The following INPP5D variants were observed in gnomAD, a reference collection of about 807,000 sequenced individuals.
INPP5D encodes the protein inositol polyphosphate-5-phosphatase D.
A neutral mutation model predicts 122.9 loss-of-function variants in INPP5D; 33 were observed. That is an observed-to-expected ratio of 0.27 (90% CI 0.20 to 0.36). INPP5D has a LOEUF of 0.36. Ranked by LOEUF, INPP5D falls within the 10% of genes least tolerant of loss-of-function variation. The pLI is 1.00. For synonymous variants in INPP5D, 584 were observed against 576.2 expected, an observed-to-expected ratio of 1.01 and a Z score of -0.19; for missense variants, 1,053 against 1,412.7, an observed-to-expected ratio of 0.75 and a Z score of 4.08.
intron 5 of INPP5D, among the ~76,000 whole-genome samples, chr2:233,138,089 C>G (rs926415120): frequency 6.7e-6 from 1 of 149,032 alleles, no homozygotes; most frequent in Non-Finnish European, 1.5e-5. Flanking sequence ...TGGTGGCTCA[C>G]GCCTCTAATC....
At chr2:233,098,665 G>T (rs1211725411) in intron 2 of INPP5D, among the ~76,000 whole-genome samples, 1 of 152,044 alleles carries the variant, frequency 6.6e-6, no homozygotes, top group Non-Finnish European at 1.5e-5. Context: ...CAGCCATTCC[G>T]CACGCCCCTC....
chr2:233,186,688 T>TA, intron 21 of INPP5D, among the ~76,000 whole-genome samples: 1 of 11,342 alleles, frequency 8.8e-5, no homozygotes, highest in Non-Finnish European at 1.7e-4. Context: ...CTCTTTCTTT[T>TA]TTTTTTTTTT....
rs1041744645 is a variant in INPP5D at position 233,102,869 on chromosome 2, C to CAAAAAAAA, written c.199-19232_199-19231insAAAAAAAA. On this transcript the variant is annotated intron_variant, in intron 2 of 26. Coordinates refer to ENST00000445964, the MANE Select transcript of INPP5D (RefSeq NM_001017915.3). ...CGTCTCAAAAAAAAAAAAAAACAAC[C>CAAAAAAAA]AAAAAACCACAGCGCCTTCTCACTA... 5.2e-4 allele frequency among the ~76,000 whole-genome samples: 76 copies of CAAAAAAAA among 145,950 alleles called. 1 individual carries two copies. Among genetic ancestry groups the CAAAAAAAA allele is most frequent in the Middle Eastern group, 3.7e-3 (1 of 272 alleles).
At chr2:233,084,505 G>C (rs1691779597) in intron 2 of INPP5D, among the ~76,000 whole-genome samples, 1 of 152,242 alleles carries the variant, frequency 6.6e-6, no homozygotes. Context: ...TGTGACTCAA[G>C]TCCCTGGTCC....
In INPP5D at chr2:233,072,952, C is replaced by T. The variant is rs1317780294; in HGVS notation, c.135-6383C>T. On this transcript the variant is annotated intron_variant, in intron 1 of 26. Coordinates refer to ENST00000445964, the MANE Select transcript of INPP5D (RefSeq NM_001017915.3). ...CATTCCCACCCCTGAACTGAAGAGGCAGTGGCCAGAGCTGTGTCACCAGAA... is the reference window on the plus strand; with the variant it reads ...CATTCCCACCCCTGAACTGAAGAGGTAGTGGCCAGAGCTGTGTCACCAGAA... 3.9e-5 allele frequency among the ~76,000 whole-genome samples: 6 copies of T among 152,206 alleles called. No individual in the cohort carries two copies. The East Asian group carries it at 1.2e-3, about 29-fold the overall frequency.
chr2:233,084,762 G>C (rs1273567176), intron 2 of INPP5D, among the ~76,000 whole-genome samples: 1 of 152,252 alleles, frequency 6.6e-6, no homozygotes, highest in African/African-American at 2.4e-5. Flanking sequence ...ACAACAAGGG[G>C]CACAGAAAAG....
chr2:233,087,315 ATATTTATT>A (rs915947889), intron 2 of INPP5D, among the ~76,000 whole-genome samples: 12 of 151,508 alleles, frequency 7.9e-5, no homozygotes, highest in African/African-American at 2.2e-4. Context: ...ATTTTATATT[ATATTTATT>A]TATTTATTTA....
chr2:233,190,622 GC>G (rs1695031045), intron 22 of INPP5D, among the ~76,000 whole-genome samples: 2 of 152,212 alleles, frequency 1.3e-5, no homozygotes, highest in Non-Finnish European at 2.9e-5. Context: ...GACCAGGCAG[GC>G]TGTGGAGGCC....
chr2:233,154,675 T>A (rs1694001683), intron 9 of INPP5D, among the ~76,000 whole-genome samples: 1 of 152,248 alleles, frequency 6.6e-6, no homozygotes, highest in South Asian at 2.1e-4. Context: ...AAGGTCTGAG[T>A]CCTGAAGACC....
rs747324373 is a variant in INPP5D, at chr2:233,198,371, G to A, written c.2970G>A (p.Glu990=). 1.4e-5 allele frequency: 22 copies of A among 1,608,656 alleles called. No individual in the cohort carries two copies. In the East Asian group the frequency reaches 4.0e-4, roughly 29 times the overall value. Residue 990 remains glutamate (E), a synonymous_variant, in exon 25 of 27, where the codon GAG becomes GAA. Coordinates refer to ENST00000445964, the MANE Select transcript of INPP5D (RefSeq NM_001017915.3). ...GGGGTCTCCCTCCCAGGACACAGGAGTCAAGGTGAGCATCCTCTTCATTAA... is the reference window on the plus strand; with the variant it reads ...GGGGTCTCCCTCCCAGGACACAGGAATCAAGGTGAGCATCCTCTTCATTAA... ...ANRGLPPRTQ[E]SRPSDLGKNA... is the part of the protein sequence containing the mutation.
intron 2 of INPP5D, among the ~76,000 whole-genome samples, chr2:233,099,870 A>G (rs1330078220): frequency 1.3e-5 from 2 of 152,110 alleles, no homozygotes; most frequent in Non-Finnish European, 2.9e-5. Flanking sequence ...GGTTTAATGG[A>G]CTCACAGTTC....
rs1691729932 is a variant in INPP5D, at chr2:233,082,982, C to T, written c.198+3584C>T. On this transcript the variant is annotated intron_variant, in intron 2 of 26. Coordinates refer to ENST00000445964, the MANE Select transcript of INPP5D (RefSeq NM_001017915.3). The surrounding 1 kb of genome is among the most constrained non-coding windows in gnomAD (Gnocchi z 4.7). ...AGGGAGACAGGGCAATGTGGCCTCT[C>T]AGAGAGCTTGGCCTCTTGCCCTTCA... 6.6e-6 allele frequency among the ~76,000 whole-genome samples: 1 copy of T among 152,228 alleles called. No individual in the cohort carries two copies. Among genetic ancestry groups the T allele is most frequent in the South Asian group, 2.1e-4 (1 of 4,828 alleles).
intron 4 of INPP5D, among the ~76,000 whole-genome samples, chr2:233,127,855 G>A (rs141658619): frequency 0.011 from 1,629 of 152,286 alleles, 27 homozygotes; most frequent in African/African-American, 0.037. Context: ...TGATCTGCCC[G>A]CCTCGACCTC....
At chr2:233,163,574 T>A (rs1359463896) in intron 11 of INPP5D, 133 bp from the exon 12 acceptor site, 2 of 1,490,762 alleles carry the variant, frequency 1.3e-6, no homozygotes, top group East Asian at 4.8e-5. Context: ...TTGCAGGCAT[T>A]TCTTTGGGCT....
At chr2:233,083,600 A>G (rs1691749919) in intron 2 of INPP5D, among the ~76,000 whole-genome samples, 1 of 152,190 alleles carries the variant, frequency 6.6e-6, no homozygotes, top group Non-Finnish European at 1.5e-5. Context: ...CTTGACTTGG[A>G]AAGGGAAGTG....
intron 17 of INPP5D, among the ~76,000 whole-genome samples, chr2:233,172,461 C>T (rs758162757): frequency 1.1e-4 from 16 of 152,000 alleles, no homozygotes; most frequent in Admixed American, 2.6e-4. Flanking sequence ...TGAGCAACAG[C>T]TAGGGCCGAA....
chr2:233,093,595 G>T (rs190325924), intron 2 of INPP5D, among the ~76,000 whole-genome samples: 1 of 150,914 alleles, frequency 6.6e-6, no homozygotes, highest in East Asian at 2.0e-4. Context: ...CATGAGAATC[G>T]CTTGAACTTG....
chr2:233,190,946 T>C (rs763723743), intron 22 of INPP5D, among the ~76,000 whole-genome samples: 1 of 152,076 alleles, frequency 6.6e-6, no homozygotes, highest in Non-Finnish European at 1.5e-5. Context: ...GACAGATGAG[T>C]GAGCCAGAAT....
intron 9 of INPP5D, among the ~76,000 whole-genome samples, chr2:233,150,798 G>A (rs1223127283): frequency 1.3e-5 from 2 of 152,186 alleles, no homozygotes; most frequent in African/African-American, 4.8e-5. Context: ...CCCGAGGGAG[G>A]ACTGGTTAGC....
Sources: gnomAD v4.1 joint callset for allele counts (sites outside exome capture counted in the v4.1 genomes callset) on GRCh38, gnomAD v4.1.1 for gene constraint, Gnocchi (gnomAD v3.1) non-coding constraint, MANE v1.5 for transcripts, NCBI Gene and HGNC (gene_info 2026-07-23, HGNC 2026-07-21) for gene names.